ABHD2: variants seen among roughly 807,000 people sequenced by gnomAD.
The protein encoded by ABHD2 is abhydrolase domain containing 2, acylglycerol lipase.
In ABHD2, 20 loss-of-function variants were observed where a neutral mutation model predicts 48.1. That is an observed-to-expected ratio of 0.42 (90% CI 0.29 to 0.60). ABHD2 has a LOEUF of 0.60. Ranked by LOEUF, ABHD2 falls within the 20% of genes least tolerant of loss-of-function variation. The pLI, the probability that ABHD2 is intolerant of heterozygous loss-of-function variation, is 0.24. For missense variants in ABHD2, 405 were observed against 550.9 expected (o/e 0.74, Z 2.65); for synonymous variants, 209 against 214.2 (o/e 0.98, Z 0.21).
chr15:89,120,015 G>A lies in ABHD2; in HGVS notation c.194+3494G>A, dbSNP rs549116163. ...TGAATATTAGTCAGTAATCCTGACC[G>A]CGGGTAGCTGGTTATGATGACATGC... On this transcript the variant is annotated intron_variant, in intron 3 of 10. Transcript: ENST00000352732. The surrounding 1 kb of genome is among the most constrained non-coding windows in gnomAD (Gnocchi z 4.2). 1.6e-4 allele frequency among the ~76,000 whole-genome samples: 24 copies of A among 152,274 alleles called. No homozygotes were observed. The highest frequency in any genetic ancestry group is 3.3e-4 in the Admixed American group (5 of 15,296).
chr15:89,053,854 G>A, the ABHD2 span, among the ~76,000 whole-genome samples: 1 of 152,184 alleles, frequency 6.6e-6, no homozygotes, highest in African/African-American at 2.4e-5. Flanking sequence ...AGCTGCCAGA[G>A]CTCTCATTTT....
In ABHD2 at chr15:89,164,112, C is replaced by G. The variant is rs149684760; in HGVS notation, c.538+8578C>G. Among the ~76,000 whole-genome samples the G allele has an allele frequency of 9.8e-5, 15 of 152,324 alleles. No individual in the cohort carries two copies. In the East Asian group the frequency reaches 2.5e-3, roughly 25 times the overall value. The stretch of plus-strand genomic sequence containing the variant: ...GGTCTTTGATCTTTTGTTCAGCCAG[C>G]ATCCTCCAGACAATGATGGGGCCAG... On this transcript the variant is annotated intron_variant, in intron 5 of 10. Transcript: ENST00000352732. The surrounding 1 kb of genome is among the most constrained non-coding windows in gnomAD (Gnocchi z 5.0).
At position 89,157,982 on chromosome 15, in the gene ABHD2, TGG is replaced by T. The variant is rs147667382; in HGVS notation, c.538+2451_538+2452del. On this transcript the variant is annotated intron_variant, in intron 5 of 10. Transcript: ENST00000352732. ...GCCAAATCAAACACAAAGAAAACAA[TGG>T]GGAATAATGGTAATGTCCTGTGCTT... 7.4e-3 allele frequency among the ~76,000 whole-genome samples: 1,129 copies of T among 151,648 alleles called. 7 individuals carry two copies. Among genetic ancestry groups the T allele is most frequent in the African/African-American group, 0.025 (1,018 of 41,234 alleles).
the ABHD2 span, among the ~76,000 whole-genome samples, chr15:89,063,883 T>C: frequency 6.6e-6 from 1 of 152,182 alleles, no homozygotes; most frequent in South Asian, 2.1e-4. Context: ...ATGAAACTGT[T>C]CCACCTCTGA....
the ABHD2 span, among the ~76,000 whole-genome samples, chr15:89,080,694 C>CT: frequency 5.9e-4 from 84 of 141,418 alleles, no homozygotes; most frequent in East Asian, 1.5e-3. Context: ...GAAAAGGAGA[C>CT]TTTTTTTTTT....
At chr15:89,066,729 GC>G in the ABHD2 span, among the ~76,000 whole-genome samples, 2 of 152,180 alleles carry the variant, frequency 1.3e-5, no homozygotes, top group African/African-American at 4.8e-5. Context: ...CCTGTGCTCA[GC>G]AAGATACCTT....
At chr15:89,076,438 C>T in the ABHD2 span, among the ~76,000 whole-genome samples, 1 of 151,940 alleles carries the variant, frequency 6.6e-6, no homozygotes, top group Non-Finnish European at 1.5e-5. Flanking sequence ...ATATTCATTC[C>T]CCAATTGTTT....
the ABHD2 span, among the ~76,000 whole-genome samples, chr15:89,047,340 G>A: frequency 6.6e-6 from 1 of 151,528 alleles, no homozygotes; most frequent in East Asian, 1.9e-4. Context: ...TTTGGAATAG[G>A]TGTGGTGTGG....
At chr15:89,165,819 A>G (rs962334604) in intron 5 of ABHD2, among the ~76,000 whole-genome samples, 7 of 152,206 alleles carry the variant, frequency 4.6e-5, no homozygotes, top group Non-Finnish European at 7.4e-5. Context: ...AAACTAAACA[A>G]TGTTTGGAAT....
chr15:89,086,097 A>C (rs293354), upstream of ABHD2, among the ~76,000 whole-genome samples: 1 of 151,880 alleles, frequency 6.6e-6, no homozygotes, highest in Admixed American at 6.5e-5. Context: ...CAGTGGTGCA[A>C]TCTCACTGCA....
At chr15:89,192,132 T>C (rs1203913704) in intron 9 of ABHD2, among the ~76,000 whole-genome samples, 1 of 152,238 alleles carries the variant, frequency 6.6e-6, no homozygotes, top group East Asian at 1.9e-4. Flanking sequence ...TTTATCCTTG[T>C]CAATGTCCAC....
At chr15:89,193,088 G>A (rs1012428741) in intron 9 of ABHD2, 147 bp from the exon 10 acceptor site, 25 of 677,288 alleles carry the variant, frequency 3.7e-5, no homozygotes, top group East Asian at 8.2e-5. Context: ...AATACAAGGC[G>A]TCCTTCCTGT....
In ABHD2 at chr15:89,196,007, T is replaced by C. The variant is rs2051395630; in HGVS notation, c.*584T>C. The C allele has an allele frequency of 6.6e-6, 1 of 152,576 alleles. No individual in the cohort carries two copies. The highest frequency in any genetic ancestry group is 2.4e-5 in the African/African-American group (1 of 41,410). 9.5% of individuals were successfully genotyped at this position (152,576 alleles called of 1,614,324 possible). On this transcript the variant is annotated 3_prime_UTR_variant, in exon 11 of 11. Coordinates refer to ENST00000352732, the MANE Select transcript of ABHD2 (RefSeq NM_152924.5). ...GTCTCCTGAGACCATTTCCCTACGC[T>C]TTGCTGCTGCTGAGAGTTACGTGAG...
At chr15:89,109,244 C>T (rs1454562098) in intron 1 of ABHD2, among the ~76,000 whole-genome samples, 3 of 152,318 alleles carry the variant, frequency 2.0e-5, no homozygotes, top group Middle Eastern at 3.4e-3. Flanking sequence ...GTCTTAGAGA[C>T]CAGGGGCAAC....
intron 3 of ABHD2, among the ~76,000 whole-genome samples, chr15:89,136,759 G>C (rs11629623): frequency 0.045 from 6,880 of 152,266 alleles, 261 homozygotes; most frequent in South Asian, 0.15. Flanking sequence ...CCTCCACTAG[G>C]AATAGTGGCA....
intron 5 of ABHD2, among the ~76,000 whole-genome samples, chr15:89,163,351 A>T (rs2050790596): frequency 6.6e-6 from 1 of 152,318 alleles, no homozygotes; most frequent in Admixed American, 6.5e-5. Context: ...GTGACTTAGA[A>T]CCCTTCGTGC....
intron 6 of ABHD2, chr15:89,183,381 AAAAATATAT>A (rs1289127491): frequency 1.3e-3 from 95 of 72,694 alleles, no homozygotes; most frequent in African/African-American, 6.7e-3. Flanking sequence ...AAAAAAAAAA[AAAAATATAT>A]ATATATATAT....
upstream of ABHD2, among the ~76,000 whole-genome samples, chr15:89,085,269 C>G (rs1901332449): frequency 6.6e-6 from 1 of 152,050 alleles, no homozygotes; most frequent in Admixed American, 6.5e-5. This position sits in a 1 kb window ranked among gnomAD's most constrained non-coding sequence, Gnocchi z 4.2. Flanking sequence ...TGAAAATTCA[C>G]TTTACAGCCA....
rs1325116612 is a variant in ABHD2 at position 89,200,103 on chromosome 15, TG to T, written c.*4683del. The T allele has an allele frequency of 6.6e-6, 1 of 152,228 alleles. No homozygotes were observed. The highest frequency in any genetic ancestry group is 2.4e-5 in the African/African-American group (1 of 41,454). The allele number at this position is 152,228 out of a possible 1,614,324, so 9.4% of individuals were successfully genotyped here. ...TGAACTGTTTTTCCTAGCATGTATG[TG>T]GGTAGAGCTTTCATGCATCTCTAGT... On this transcript the variant is annotated 3_prime_UTR_variant, in exon 11 of 11. Coordinates refer to ENST00000352732, the MANE Select transcript of ABHD2 (RefSeq NM_152924.5).
Sources: allele counts gnomAD v4.1 joint callset (sites outside exome capture counted in the v4.1 genomes callset), GRCh38; gene constraint gnomAD v4.1.1; non-coding constraint Gnocchi (gnomAD v3.1); transcripts MANE v1.5; gene names NCBI Gene and HGNC (gene_info 2026-07-23, HGNC 2026-07-21).